Variants in SHANK2 observed in about 807,000 individuals in gnomAD.
SHANK2 encodes SH3 and multiple ankyrin repeat domains 2.
In SHANK2, 43 loss-of-function variants were observed where a neutral mutation model predicts 133.7. The observed-to-expected ratio is 0.32, with a 90% CI of 0.25 to 0.41. The LOEUF (loss-of-function observed/expected upper bound fraction) is 0.41. Among genes scored for constraint, SHANK2 ranks in the 10% least tolerant of loss-of-function variants. The pLI is 1.00. For missense variants in SHANK2, 1,994 were observed against 2,235.8 expected (o/e 0.89, Z 2.18); for synonymous variants, 1,017 against 952.8 (o/e 1.07, Z -1.24).
intron 11 of SHANK2, among the ~76,000 whole-genome samples, chr11:70,824,350 C>T (rs904873161): frequency 6.6e-6 from 1 of 152,060 alleles, no homozygotes; most frequent in Non-Finnish European, 1.5e-5. Context: ...TTGGGGAGGT[C>T]GCGGTGTCAC....
intron 3 of SHANK2, among the ~76,000 whole-genome samples, chr11:71,145,036 T>C (rs1359554702): frequency 6.6e-6 from 1 of 152,202 alleles, no homozygotes; most frequent in Admixed American, 6.5e-5. Context: ...TTCATAACAA[T>C]CATTTATAGC....
intron 9 of SHANK2, among the ~76,000 whole-genome samples, chr11:71,073,793 G>T (rs1479355512): frequency 1.3e-5 from 2 of 152,146 alleles, no homozygotes; most frequent in East Asian, 3.9e-4. Context: ...ATGTGATGGT[G>T]CCACGCATGC....
chr11:70,784,343 G>GTTTTTTTTTTTTTTTTTTTTTT (rs71049942), intron 14 of SHANK2, among the ~76,000 whole-genome samples: 1 of 42,846 alleles, frequency 2.3e-5, no homozygotes, highest in African/African-American at 7.9e-5. Flanking sequence ...ACACCGGCTA[G>GTTTTTTTTTTTTTTTTTTTTTT]TTTTTTTTTT....
In SHANK2 at chr11:70,501,910, T is replaced by C; in HGVS notation, c.2287+13A>G. The C allele has an allele frequency of 6.4e-7, 1 of 1,559,778 alleles. No homozygotes were observed. Among genetic ancestry groups the C allele is most frequent in the Non-Finnish European group, 8.7e-7 (1 of 1,151,144 alleles). On this transcript the variant is annotated intron_variant, in intron 20 of 25. Coordinates refer to ENST00000601538, the MANE Select transcript of SHANK2 (RefSeq NM_012309.5). ...AGGGGGAGCTGCTTTGGGGACCCAGTGGGGCTGCTTACCTTTATCCACTAG... is the reference window on the plus strand; with the variant it reads ...AGGGGGAGCTGCTTTGGGGACCCAGCGGGGCTGCTTACCTTTATCCACTAG...
At chr11:70,596,181 T>G (rs1253118006) in intron 17 of SHANK2, among the ~76,000 whole-genome samples, 1 of 152,174 alleles carries the variant, frequency 6.6e-6, no homozygotes, top group Non-Finnish European at 1.5e-5. Context: ...GGTGATTTGT[T>G]TGGCAGCCCA....
At chr11:70,512,955 GGTAAA>G (rs1162963301) in intron 17 of SHANK2, among the ~76,000 whole-genome samples, 2 of 151,446 alleles carry the variant, frequency 1.3e-5, no homozygotes, top group Non-Finnish European at 2.9e-5. Flanking sequence ...TGGGGAATAA[GGTAAA>G]GTAAATTCCT....
chr11:70,789,987 G>A (rs1947753927), intron 14 of SHANK2, among the ~76,000 whole-genome samples: 1 of 152,240 alleles, frequency 6.6e-6, no homozygotes, highest in African/African-American at 2.4e-5. Context: ...TGGCCTGACA[G>A]TTTCCATGTA....
At chr11:70,797,234 G>C (rs1555049296) in intron 14 of SHANK2, among the ~76,000 whole-genome samples, 1 of 152,226 alleles carries the variant, frequency 6.6e-6, no homozygotes, top group African/African-American at 2.4e-5. Flanking sequence ...TTCTTGGGAA[G>C]ACCAGCTTTG....
intron 10 of SHANK2, among the ~76,000 whole-genome samples, chr11:70,905,707 C>T (rs1555077783): frequency 1.3e-5 from 2 of 152,192 alleles, no homozygotes; most frequent in African/African-American, 4.8e-5. Flanking sequence ...GGGCCCTCAT[C>T]AGACAGCCCA....
chr11:70,859,612 T>C (rs1555067421), intron 11 of SHANK2, among the ~76,000 whole-genome samples: 1 of 152,102 alleles, frequency 6.6e-6, no homozygotes, highest in Non-Finnish European at 1.5e-5. Context: ...GTAGATATCA[T>C]CACCTATACA....
chr11:71,120,107 G>C (rs1314384140), intron 3 of SHANK2, among the ~76,000 whole-genome samples: 11 of 152,186 alleles, frequency 7.2e-5, no homozygotes, highest in African/African-American at 2.7e-4. Context: ...AGTGTCAACA[G>C]GGCCTGCAAA....
chr11:70,875,856 A>AAAAG (rs1949552650), intron 11 of SHANK2, among the ~76,000 whole-genome samples: 1 of 114,304 alleles, frequency 8.7e-6, no homozygotes, highest in African/African-American at 5.2e-5. Flanking sequence ...ACACTGTTTC[A>AAAAG]AAAAAAAAAA....
intron 17 of SHANK2, among the ~76,000 whole-genome samples, chr11:70,546,313 C>T (rs2059696015): frequency 6.6e-6 from 1 of 152,050 alleles, no homozygotes; most frequent in Non-Finnish European, 1.5e-5. Flanking sequence ...AACCTCCAGC[C>T]CCTCTTCCTG....
chr11:70,652,517 A>T (rs552636916), intron 17 of SHANK2, among the ~76,000 whole-genome samples: 1 of 152,186 alleles, frequency 6.6e-6, no homozygotes, highest in East Asian at 1.9e-4. Context: ...ATCAATGACA[A>T]ATACTGACTG....
chr11:70,534,840 C>T (rs782439230), intron 17 of SHANK2, among the ~76,000 whole-genome samples: 29 of 152,166 alleles, frequency 1.9e-4, no homozygotes, highest in African/African-American at 2.7e-4. Flanking sequence ...ATCTGCATGA[C>T]GGTCTTTCCC....
At chr11:70,489,262 A>G (rs2058853298) in intron 24 of SHANK2, 66 bp downstream of exon 24, 1 of 1,484,326 alleles carries the variant, frequency 6.7e-7, no homozygotes, top group African/African-American at 1.4e-5. Flanking sequence ...TAATTTAAGA[A>G]TACACCTTAT....
intron 21 of SHANK2, 66 bp from the exon 22 acceptor site, chr11:70,492,531 G>A: frequency 6.2e-7 from 1 of 1,601,480 alleles, no homozygotes; most frequent in Non-Finnish European, 8.5e-7. Flanking sequence ...AGATAGGAAA[G>A]CGCACAGGTG....
At chr11:70,749,232 G>A (rs1946707436) in intron 14 of SHANK2, among the ~76,000 whole-genome samples, 2 of 152,238 alleles carry the variant, frequency 1.3e-5, no homozygotes, top group Non-Finnish European at 2.9e-5. Flanking sequence ...GAGCCCTGGA[G>A]GGAGAAGAGC....
chr11:70,523,685 C>G (rs532682161), intron 17 of SHANK2, among the ~76,000 whole-genome samples: 2 of 152,192 alleles, frequency 1.3e-5, no homozygotes, highest in Non-Finnish European at 2.9e-5. Context: ...TTCACCGCTT[C>G]CTGTGTCAGG....
Sources: allele counts gnomAD v4.1 joint callset (sites outside exome capture counted in the v4.1 genomes callset), GRCh38; gene constraint gnomAD v4.1.1; transcripts MANE v1.5; gene names NCBI Gene and HGNC (gene_info 2026-07-23, HGNC 2026-07-21).